Variants in NCAM2 observed in about 807,000 individuals in gnomAD.
The protein encoded by NCAM2 is N-CAM-2.
A neutral mutation model predicts 98.1 loss-of-function variants in NCAM2; 30 were observed. That is an observed-to-expected ratio of 0.31 (90% CI 0.23 to 0.41). The LOEUF (loss-of-function observed/expected upper bound fraction) is 0.41. Ranked by LOEUF, NCAM2 falls within the 10% of genes least tolerant of loss-of-function variation. The pLI is 1.00. For synonymous variants in NCAM2, 368 were observed against 342.4 expected (o/e 1.07, Z -0.83); for missense variants, 867 against 1,005.8 (o/e 0.86, Z 1.87).
At chr21:21,227,363 T>G (rs2070429243) in intron 1 of NCAM2, among the ~76,000 whole-genome samples, 1 of 151,816 alleles carries the variant, frequency 6.6e-6, no homozygotes, top group South Asian at 2.1e-4. Flanking sequence ...ATTATTTAAG[T>G]TCAAATAAAA....
At chr21:21,108,030 GTA>G (rs1042180569) in intron 1 of NCAM2, among the ~76,000 whole-genome samples, 1 of 151,838 alleles carries the variant, frequency 6.6e-6, no homozygotes, top group Non-Finnish European at 1.5e-5. Flanking sequence ...CGATAAGCAG[GTA>G]TATATTTCCT....
intron 1 of NCAM2, among the ~76,000 whole-genome samples, chr21:21,087,237 C>T (rs2065922690): frequency 6.6e-6 from 1 of 152,048 alleles, no homozygotes; most frequent in Admixed American, 6.6e-5. Context: ...TTCTGTTTGC[C>T]CCTTTGGATT....
intron 1 of NCAM2, among the ~76,000 whole-genome samples, chr21:21,048,891 T>C (rs2065049842): frequency 6.6e-6 from 1 of 152,094 alleles, no homozygotes; most frequent in Non-Finnish European, 1.5e-5. Context: ...TGGGTTTAAT[T>C]CTCCTGACCT....
At chr21:21,264,943 G>A (rs1350237929) in intron 1 of NCAM2, among the ~76,000 whole-genome samples, 3 of 8,422 alleles carry the variant, frequency 3.6e-4, no homozygotes, top group Non-Finnish European at 6.4e-4. Context: ...ATATGTGTGT[G>A]TATATATATG....
At chr21:21,527,893 C>T (rs1989414884) in intron 16 of NCAM2, among the ~76,000 whole-genome samples, 1 of 152,214 alleles carries the variant, frequency 6.6e-6, no homozygotes, top group Admixed American at 6.5e-5. Context: ...CAAAACCGCA[C>T]ACTGATGTTT....
chr21:21,401,917 A>G (rs535645916), intron 9 of NCAM2, among the ~76,000 whole-genome samples: 45 of 152,142 alleles, frequency 3.0e-4, no homozygotes, highest in Non-Finnish European at 6.2e-4. Context: ...TGAAGATTTC[A>G]TGGACATTTA....
intron 1 of NCAM2, among the ~76,000 whole-genome samples, chr21:21,148,534 A>T (rs186988479): frequency 3.3e-5 from 5 of 152,358 alleles, no homozygotes; most frequent in African/African-American, 1.2e-4. Flanking sequence ...GTGTGCAGAT[A>T]TACAGTGTTC....
chr21:21,146,121 A>G (rs1210876679), intron 1 of NCAM2, among the ~76,000 whole-genome samples: 1 of 152,218 alleles, frequency 6.6e-6, no homozygotes, highest in East Asian at 1.9e-4. Flanking sequence ...ATGCCATTGT[A>G]AAAATTTTAA....
chr21:21,413,052 G>A (rs2076919839), intron 10 of NCAM2, among the ~76,000 whole-genome samples: 1 of 152,024 alleles, frequency 6.6e-6, no homozygotes, highest in Non-Finnish European at 1.5e-5. Context: ...AAAATTGTGT[G>A]TTTTAAAACA....
At chr21:21,391,542 A>G (rs895886211) in intron 9 of NCAM2, among the ~76,000 whole-genome samples, 2 of 152,046 alleles carry the variant, frequency 1.3e-5, no homozygotes, top group Admixed American at 6.5e-5. Flanking sequence ...ATAATAATTA[A>G]TCTGAATCAA....
intron 10 of NCAM2, among the ~76,000 whole-genome samples, chr21:21,413,482 C>T (rs1375970534): frequency 6.6e-6 from 1 of 152,128 alleles, no homozygotes; most frequent in African/African-American, 2.4e-5. Flanking sequence ...TTAATATCAG[C>T]ATTTTTAGCT....
intron 1 of NCAM2, among the ~76,000 whole-genome samples, chr21:21,119,999 A>G (rs890317043): frequency 5.3e-5 from 8 of 152,146 alleles, no homozygotes; most frequent in Non-Finnish European, 8.8e-5. Context: ...ATACTTCTCC[A>G]TTACCTCAGT....
chr21:21,121,027 T>C (rs1033095955), intron 1 of NCAM2, among the ~76,000 whole-genome samples: 13 of 152,188 alleles, frequency 8.5e-5, no homozygotes, highest in Non-Finnish European at 1.8e-4. Context: ...TGGATGTTTA[T>C]TTGTACACTG....
rs1331956180 is a variant in NCAM2, at chr21:21,530,130, ATGATT to A, written c.2283-4405_2283-4401del. Among the ~76,000 whole-genome samples the A allele has an allele frequency of 4.2e-5, 6 of 144,120 alleles. 1 individual carries two copies. Among genetic ancestry groups the A allele is most frequent in the South Asian group, 2.1e-4 (1 of 4,722 alleles). 94.5% of individuals were successfully genotyped at this position (144,120 alleles called of 152,430 possible). A position where few individuals can be genotyped will look rare whatever the true frequency, so the allele number is the denominator to read the frequency against. ...ATAATTTAATTTAATTTAATTATAT[ATGATT>A]TAATTTAATTTAATTATATATGATT... On this transcript the variant is annotated intron_variant, in intron 16 of 17. Coordinates refer to ENST00000400546, the MANE Select transcript of NCAM2 (RefSeq NM_004540.5).
At chr21:21,026,560 G>A (rs1303411585) in intron 1 of NCAM2, among the ~76,000 whole-genome samples, 1 of 151,890 alleles carries the variant, frequency 6.6e-6, no homozygotes, top group Non-Finnish European at 1.5e-5. Flanking sequence ...AGGAGGCGGA[G>A]GTTGCAGTGA....
At chr21:21,427,113 C>A (rs1049371524) in intron 11 of NCAM2, among the ~76,000 whole-genome samples, 1 of 151,678 alleles carries the variant, frequency 6.6e-6, no homozygotes, top group East Asian at 1.9e-4. Flanking sequence ...GCTGGGAGAG[C>A]AAATTCTCAG....
chr21:21,301,798 G>A (rs142014037), intron 5 of NCAM2, among the ~76,000 whole-genome samples: 2,753 of 150,704 alleles, frequency 0.018, 86 homozygotes, highest in East Asian at 0.15. Context: ...AAAAGTGGGC[G>A]AAGGACATGA....
rs529650093 is a variant in NCAM2 at position 21,328,065 on chromosome 21, A to T, written c.737+3565A>T. The stretch of plus-strand genomic sequence containing the variant: ...AAATGTTCCATTTAAACCCCACTTA[A>T]TCATGATACACAGGCATGCCCAGCA... On this transcript the variant is annotated intron_variant, in intron 6 of 17. Transcript: ENST00000400546. Among the ~76,000 whole-genome samples, 24 of 152,258 alleles carry T rather than the reference A, an allele frequency of 1.6e-4. No homozygotes were observed. In the South Asian group the frequency reaches 5.0e-3, roughly 32 times the overall value.
At chr21:21,494,844 A>T (rs1294867601) in intron 15 of NCAM2, among the ~76,000 whole-genome samples, 2 of 151,822 alleles carry the variant, frequency 1.3e-5, no homozygotes, top group Non-Finnish European at 2.9e-5. Context: ...TATTTTTAAA[A>T]TTTTTAGTAC....
Sources: gnomAD v4.1 joint callset for allele counts (sites outside exome capture counted in the v4.1 genomes callset) on GRCh38, gnomAD v4.1.1 for gene constraint, MANE v1.5 for transcripts, NCBI Gene and HGNC (gene_info 2026-07-23, HGNC 2026-07-21) for gene names.